Variants in NDUFC1 observed in about 807,000 individuals in gnomAD.
NDUFC1 encodes the protein NADH:ubiquinone oxidoreductase subunit C1, also known as NADH dehydrogenase [ubiquinone] 1 subunit C1, mitochondrial.
NDUFC1 carries 11 observed loss-of-function variants against 11.6 expected under a neutral mutation model. The observed-to-expected ratio is 0.95, with a 90% CI of 0.60 to 1.58. The LOEUF (loss-of-function observed/expected upper bound fraction) is 1.58. Ranked by LOEUF, NDUFC1 falls within the 40% of genes most tolerant of loss-of-function variation. NDUFC1 has a pLI of 0.00. For synonymous variants in NDUFC1, 52 were observed against 42.2 expected (o/e 1.23, Z -0.90); for missense variants, 112 against 93.0 (o/e 1.20, Z -0.84).
chr4:139,295,844 C>T lies in NDUFC1; in HGVS notation c.-46G>A. ...CTCTCCGAGTTGGCAACAGAACCAG[C>T]GCCACCTGGCGGCCGGAAGTGCGGG... is the stretch of plus-strand genomic sequence containing the variant. On this transcript the variant is annotated 5_prime_UTR_variant, in exon 3 of 6. Transcript: ENST00000394223. 5 of 1,529,998 alleles carry T rather than the reference C, an allele frequency of 3.3e-6. No homozygotes were observed. The highest frequency in any genetic ancestry group is 3.5e-6 in the Non-Finnish European group (4 of 1,137,572). 94.8% of individuals were successfully genotyped at this position (1,529,998 alleles called of 1,614,324 possible). A position where few individuals can be genotyped will look rare whatever the true frequency, so the allele number is the denominator to read the frequency against.
Position 139,301,675 on chromosome 4 carries a change from A to G in NDUFC1, c.-222+741T>C, listed in dbSNP as rs190873231. The G allele has an allele frequency of 2.5e-4, 334 of 1,342,336 alleles. 2 individuals are homozygous for G. The African/African-American group carries it at 4.4e-3, about 18-fold the overall frequency. The allele number at this position is 1,342,336 out of a possible 1,614,324, so 83.2% of individuals were successfully genotyped here. A position where few individuals can be genotyped will look rare whatever the true frequency, so the allele number is the denominator to read the frequency against. On this transcript the variant is annotated intron_variant, in intron 1 of 5. Transcript: ENST00000394223. ...GAGGCCTGGTGGTGGCGGCGGATCG[A>G]GATATTCAAGGCTGAAGCAGCTACG...
intron 3 of NDUFC1, 97 bp downstream of exon 3, chr4:139,295,635 A>T: frequency 7.3e-7 from 1 of 1,372,814 alleles, no homozygotes; most frequent in Non-Finnish European, 9.8e-7. Flanking sequence ...CTGCAGGACG[A>T]ACCCGGGCCG....
rs1470681077 is a variant in NDUFC1, at chr4:139,302,406, A to C, written c.-222+10T>G. 3 of 152,460 alleles carry C rather than the reference A, an allele frequency of 2.0e-5. No individual in the cohort carries two copies. Among genetic ancestry groups the C allele is most frequent in the Non-Finnish European group, 4.4e-5 (3 of 68,192 alleles). The allele number at this position is 152,460 out of a possible 1,614,324, so 9.4% of individuals were successfully genotyped here. ...TTCAGAGAAGGAAAGAAAGCTTTTCAAACGACTACCTCCTTGTAGTCAGTT... is the reference window on the plus strand; with the variant it reads ...TTCAGAGAAGGAAAGAAAGCTTTTCCAACGACTACCTCCTTGTAGTCAGTT... On this transcript the variant is annotated intron_variant, in intron 1 of 5. Transcript: ENST00000394223.
chr4:139,297,748 G>A (rs1745529043), intron 1 of NDUFC1, among the ~76,000 whole-genome samples: 1 of 152,170 alleles, frequency 6.6e-6, no homozygotes, highest in Non-Finnish European at 1.5e-5. Context: ...GATACAGCAT[G>A]CATGAGAATA....
chr4:139,294,050 T>C (rs527632763), intron 4 of NDUFC1, among the ~76,000 whole-genome samples: 2 of 150,606 alleles, frequency 1.3e-5, no homozygotes, highest in African/African-American at 4.9e-5. Context: ...CACACCATTC[T>C]GCTGTCTCAG....
chr4:139,299,222 C>T (rs1745603699), intron 1 of NDUFC1, among the ~76,000 whole-genome samples: 1 of 151,902 alleles, frequency 6.6e-6, no homozygotes, highest in Non-Finnish European at 1.5e-5. Context: ...CCCGCCTCAG[C>T]CTCCCAAAGT....
At chr4:139,294,421 C>T (rs1745366515) in intron 4 of NDUFC1, among the ~76,000 whole-genome samples, 2 of 151,910 alleles carry the variant, frequency 1.3e-5, no homozygotes, top group African/African-American at 2.4e-5. Context: ...CAATTAGCCT[C>T]AATTCTCATT....
At chr4:139,297,227 A>T (rs746570132) in intron 2 of NDUFC1, among the ~76,000 whole-genome samples, 158 bp downstream of exon 2, 3 of 152,224 alleles carry the variant, frequency 2.0e-5, no homozygotes, top group Non-Finnish European at 2.9e-5. Context: ...AACAGATGCT[A>T]TCTTTAGTCA....
Position 139,294,062 on chromosome 4 carries a change from C to T in NDUFC1, c.171+981G>A, listed in dbSNP as rs559427680. 3.1e-4 allele frequency among the ~76,000 whole-genome samples: 47 copies of T among 151,088 alleles called. 1 individual carries two copies. The highest frequency in any genetic ancestry group is 1.0e-3 in the African/African-American group (43 of 41,252). ...GTTCACACCATTCTGCTGTCTCAGCCTCCTGAACAGCTGGGACTACAGGCG... is the reference window on the plus strand; with the variant it reads ...GTTCACACCATTCTGCTGTCTCAGCTTCCTGAACAGCTGGGACTACAGGCG... On this transcript the variant is annotated intron_variant, in intron 4 of 5. Coordinates refer to ENST00000394223, the MANE Select transcript of NDUFC1 (RefSeq NM_001184989.2).
chr4:139,292,529 C>CT lies in NDUFC1; in HGVS notation c.*20dup. The CT allele has an allele frequency of 7.1e-7, 1 of 1,402,808 alleles. No individual in the cohort carries two copies. 86.9% of individuals were successfully genotyped at this position (1,402,808 alleles called of 1,614,324 possible). A position where few individuals can be genotyped will look rare whatever the true frequency, so the allele number is the denominator to read the frequency against. On this transcript the variant is annotated splice_region_variant and 3_prime_UTR_variant. Transcript: ENST00000394223. The stretch of plus-strand genomic sequence containing the variant: ...TTCATCCAATAAGCTTGTATACTTA[C>CT]TACATTAGTGTTTCAAAAGTTTATT...
intron 1 of NDUFC1, among the ~76,000 whole-genome samples, chr4:139,298,416 C>T (rs1257269689): frequency 2.2e-5 from 3 of 137,010 alleles, no homozygotes; most frequent in South Asian, 2.3e-4. Flanking sequence ...CTAGCCTGGG[C>T]GACAAGAGCG....
chr4:139,290,972 G>C (rs1342513999), intron 5 of NDUFC1, among the ~76,000 whole-genome samples: 1 of 151,456 alleles, frequency 6.6e-6, no homozygotes, highest in Non-Finnish European at 1.5e-5. Flanking sequence ...ACCATGCCTA[G>C]CTATTTTTTG....
chr4:139,291,857 G>C (rs997297054), intron 5 of NDUFC1, among the ~76,000 whole-genome samples: 2 of 148,914 alleles, frequency 1.3e-5, no homozygotes, highest in African/African-American at 5.0e-5. Context: ...TTTTTTTTGA[G>C]AAGGAGTCTC....
intron 1 of NDUFC1, chr4:139,301,761 C>G (rs1484361514): frequency 1.9e-5 from 30 of 1,562,608 alleles, no homozygotes; most frequent in Non-Finnish European, 2.6e-5. Context: ...GCGGGAGCAG[C>G]GGGAGCAGCC....
chr4:139,301,313 G>A, intron 1 of NDUFC1: 1 of 393,532 alleles, frequency 2.5e-6, no homozygotes, highest in Non-Finnish European at 4.5e-6. Flanking sequence ...TAGCTCCGCG[G>A]GCGCTTCGAG....
intron 3 of NDUFC1, 45 bp from the exon 4 acceptor site, chr4:139,295,191 T>G: frequency 2.0e-6 from 3 of 1,482,470 alleles, no homozygotes; most frequent in Non-Finnish European, 2.8e-6. Context: ...TACTGCCTTG[T>G]AGGGAAAAAA....
At chr4:139,295,194 G>A (rs1745409371) in intron 3 of NDUFC1, 48 bp from the exon 4 acceptor site, 2 of 1,438,968 alleles carry the variant, frequency 1.4e-6, no homozygotes, top group Non-Finnish European at 9.8e-7. Flanking sequence ...TGCCTTGTAG[G>A]GAAAAAACCC....
intron 4 of NDUFC1, 133 bp downstream of exon 4, chr4:139,294,910 T>A (rs1450438001): frequency 1.7e-6 from 1 of 594,702 alleles, no homozygotes; most frequent in Non-Finnish European, 3.0e-6. Context: ...TATCAGCGAT[T>A]ATATAAATAT....
At chr4:139,301,275 G>A in intron 1 of NDUFC1, 1 of 361,948 alleles carries the variant, frequency 2.8e-6, no homozygotes, top group Non-Finnish European at 4.9e-6. Context: ...TGAGGAGGCG[G>A]TCTGAACCGT....
Sources: gnomAD v4.1 joint callset for allele counts (sites outside exome capture counted in the v4.1 genomes callset) on GRCh38, gnomAD v4.1.1 for gene constraint, MANE v1.5 for transcripts, NCBI Gene and HGNC (gene_info 2026-07-23, HGNC 2026-07-21) for gene names.